The following SLC4A10 variants were observed in gnomAD, a reference collection of about 807,000 sequenced individuals.
SLC4A10 encodes the protein solute carrier family 4 member 10.
In SLC4A10, 42 loss-of-function variants were observed where a neutral mutation model predicts 137.7. The ratio of observed to expected loss-of-function variants is 0.30; its 90% CI spans 0.24 to 0.39. The LOEUF is 0.39. Among genes scored for constraint, SLC4A10 ranks in the 10% least tolerant of loss-of-function variants. The pLI is 1.00. For missense variants in SLC4A10, 925 were observed against 1,355.0 expected (o/e 0.68, Z 4.98); for synonymous variants, 474 against 464.1 (o/e 1.02, Z -0.27).
intron 2 of SLC4A10, among the ~76,000 whole-genome samples, chr2:161,772,793 G>A (rs2051810216): frequency 6.6e-6 from 1 of 151,908 alleles, no homozygotes; most frequent in Non-Finnish European, 1.5e-5. Flanking sequence ...GTTACACACA[G>A]CCCATACTAA....
intron 15 of SLC4A10, among the ~76,000 whole-genome samples, chr2:161,909,145 A>G (rs1191277424): frequency 6.6e-6 from 1 of 150,500 alleles, no homozygotes; most frequent in Admixed American, 6.6e-5. Flanking sequence ...TGATGAGTTA[A>G]TGGGTGCAGC....
At chr2:161,771,802 C>A (rs865883260) in intron 2 of SLC4A10, among the ~76,000 whole-genome samples, 2 of 151,894 alleles carry the variant, frequency 1.3e-5, no homozygotes, top group South Asian at 4.2e-4. Flanking sequence ...CTAATTGTTA[C>A]TAATGAGAAA....
chr2:161,659,459 A>T (rs965046612), intron 1 of SLC4A10, among the ~76,000 whole-genome samples: 1 of 152,118 alleles, frequency 6.6e-6, no homozygotes, highest in Non-Finnish European at 1.5e-5. Context: ...CAGGTGATGG[A>T]TACACTGAAA....
chr2:161,771,889 A>T (rs2051659724), intron 2 of SLC4A10, among the ~76,000 whole-genome samples: 1 of 151,812 alleles, frequency 6.6e-6, no homozygotes, highest in South Asian at 2.1e-4. Flanking sequence ...TCTTAAGTAC[A>T]AGTCATCAGA....
chr2:161,830,161 C>CAA lies in SLC4A10; in HGVS notation c.278-9613_278-9612dup, dbSNP rs201494187. ...GGAATGCATATTGTAGGAACTAAAGCAAAAAAAAAAAAAAAATAACAACAA... is the reference window on the plus strand; with the variant it reads ...GGAATGCATATTGTAGGAACTAAAGCAAAAAAAAAAAAAAAAAATAACAACAA... On this transcript the variant is annotated intron_variant, in intron 3 of 26. Coordinates refer to ENST00000446997, the MANE Select transcript of SLC4A10 (RefSeq NM_001178015.2). Among the ~76,000 whole-genome samples the CAA allele has an allele frequency of 7.2e-3, 750 of 103,758 alleles. 6 individuals are homozygous for CAA. Among genetic ancestry groups the CAA allele is most frequent in the African/African-American group, 0.022 (633 of 28,956 alleles). 68.1% of individuals were successfully genotyped at this position (103,758 alleles called of 152,430 possible).
chr2:161,939,767 A>G (rs919818846), intron 15 of SLC4A10, among the ~76,000 whole-genome samples: 6 of 152,106 alleles, frequency 3.9e-5, no homozygotes, highest in African/African-American at 1.4e-4. Flanking sequence ...TAAATTTTAG[A>G]TTTTCTATAA....
chr2:161,955,019 T>C (rs1695410434), intron 19 of SLC4A10, among the ~76,000 whole-genome samples: 1 of 152,158 alleles, frequency 6.6e-6, no homozygotes, highest in African/African-American at 2.4e-5. Flanking sequence ...CCTCCTCTGA[T>C]GCTCATCTCA....
At chr2:161,916,776 G>T (rs1286028038) in intron 15 of SLC4A10, among the ~76,000 whole-genome samples, 2 of 152,128 alleles carry the variant, frequency 1.3e-5, no homozygotes, top group East Asian at 3.8e-4. Flanking sequence ...GTTTCTGCCA[G>T]ATACTTATGT....
chr2:161,916,418 A>T (rs905513324), intron 15 of SLC4A10, among the ~76,000 whole-genome samples: 6 of 152,274 alleles, frequency 3.9e-5, no homozygotes, highest in Admixed American at 3.9e-4. Context: ...TCTTGTCTAG[A>T]TTATTGCAAT....
intron 1 of SLC4A10, among the ~76,000 whole-genome samples, chr2:161,752,659 T>C (rs566054288): frequency 6.6e-6 from 1 of 152,240 alleles, no homozygotes; most frequent in East Asian, 1.9e-4. Flanking sequence ...ATCTTGTCAT[T>C]TGCAAAAACA....
chr2:161,738,352 C>A lies in SLC4A10; in HGVS notation c.49-32621C>A, dbSNP rs1237620428. Among the ~76,000 whole-genome samples, 3 of 152,160 alleles carry A rather than the reference C, an allele frequency of 2.0e-5. No homozygotes were observed. In the East Asian group the frequency reaches 5.8e-4, roughly 29 times the overall value. On this transcript the variant is annotated intron_variant, in intron 1 of 26. Coordinates refer to ENST00000446997, the MANE Select transcript of SLC4A10 (RefSeq NM_001178015.2). ...AAGAACAATTAACAAATTGGGCAGGCCTCTGAACCAGAGTAGATTTAGAGA... is the reference window on the plus strand; with the variant it reads ...AAGAACAATTAACAAATTGGGCAGGACTCTGAACCAGAGTAGATTTAGAGA...
chr2:161,867,170 C>T (rs1309591743), intron 6 of SLC4A10, among the ~76,000 whole-genome samples: 1 of 151,930 alleles, frequency 6.6e-6, no homozygotes, highest in Non-Finnish European at 1.5e-5. Flanking sequence ...GCAATGTACA[C>T]ATATGTATTG....
intron 1 of SLC4A10, among the ~76,000 whole-genome samples, chr2:161,642,945 G>C (rs2035519187): frequency 6.6e-6 from 1 of 151,898 alleles, no homozygotes; most frequent in Non-Finnish European, 1.5e-5. Flanking sequence ...CTCCAGTTCA[G>C]GTTAGAATAT....
chr2:161,662,481 TACA>T (rs940424234), intron 1 of SLC4A10, among the ~76,000 whole-genome samples: 30 of 152,280 alleles, frequency 2.0e-4, no homozygotes, highest in Admixed American at 2.0e-3. Flanking sequence ...ACAAAAATAA[TACA>T]ACAATAATAG....
intron 1 of SLC4A10, among the ~76,000 whole-genome samples, chr2:161,770,767 CA>C (rs1260414227): frequency 6.6e-6 from 1 of 151,720 alleles, no homozygotes; most frequent in Non-Finnish European, 1.5e-5. Context: ...TATAAAAAAC[CA>C]GATGATATTT....
chr2:161,685,989 C>G (rs1312050591), intron 1 of SLC4A10, among the ~76,000 whole-genome samples: 1 of 152,084 alleles, frequency 6.6e-6, no homozygotes, highest in Non-Finnish European at 1.5e-5. Flanking sequence ...TATAATAAAG[C>G]ACAAGATTCT....
At chr2:161,967,104 A>C (rs951924115) in intron 23 of SLC4A10, among the ~76,000 whole-genome samples, 20 of 152,178 alleles carry the variant, frequency 1.3e-4, no homozygotes, top group Admixed American at 9.2e-4. Flanking sequence ...AGAAAAAAAA[A>C]ATTCCCTGGC....
intron 1 of SLC4A10, among the ~76,000 whole-genome samples, chr2:161,711,366 G>C (rs970670538): frequency 6.6e-6 from 1 of 151,802 alleles, no homozygotes; most frequent in Non-Finnish European, 1.5e-5. Flanking sequence ...TGGAAATAAA[G>C]AGTAGCAAGT....
rs138812722 is a variant in SLC4A10 at position 161,635,575 on chromosome 2, C to A, written c.48+11009C>A. 6.7e-3 allele frequency among the ~76,000 whole-genome samples: 1,019 copies of A among 152,218 alleles called. 7 individuals carry two copies. The highest frequency in any genetic ancestry group is 0.023 in the African/African-American group (965 of 41,544). ...GTCTTCAGGATCATTCTGGTAAAGC[C>A]ATGTTTCATCTCTTTTGCAATTCAT... On this transcript the variant is annotated intron_variant, in intron 1 of 26. Coordinates refer to ENST00000446997, the MANE Select transcript of SLC4A10 (RefSeq NM_001178015.2).
Sources: gnomAD v4.1 joint callset for allele counts (sites outside exome capture counted in the v4.1 genomes callset) on GRCh38, gnomAD v4.1.1 for gene constraint, MANE v1.5 for transcripts, NCBI Gene and HGNC (gene_info 2026-07-23, HGNC 2026-07-21) for gene names.